The following C6 variants were observed in gnomAD, a reference collection of about 807,000 sequenced individuals.
C6 encodes the protein complement C6.
C6 carries 101 observed loss-of-function variants against 112.9 expected under a neutral mutation model. The ratio of observed to expected loss-of-function variants is 0.89; its 90% CI spans 0.76 to 1.06. The LOEUF (loss-of-function observed/expected upper bound fraction) is 1.06, where lower values mean the gene tolerates loss of function less well. C6 is among the 50% of genes least tolerant of loss of function. The pLI is 0.00. For missense variants in C6, 1,202 were observed against 1,104.6 expected (o/e 1.09, Z -1.25); for synonymous variants, 431 against 384.1 (o/e 1.12, Z -1.43).
rs573613102 is a variant in C6, at chr5:41,190,311, T to C, written c.588-4103A>G. ...TTTTTGATAATAGTCATTTCAACTG[T>C]AGTGAGATGATACCTCATTGTAGTT... On this transcript the variant is annotated intron_variant, in intron 5 of 17. Coordinates refer to ENST00000337836, the MANE Select transcript of C6 (RefSeq NM_000065.5). Among the ~76,000 whole-genome samples the C allele has an allele frequency of 2.4e-4, 36 of 152,322 alleles. No individual in the cohort carries two copies. In the South Asian group the frequency reaches 7.5e-3, roughly 32 times the overall value.
chr5:41,226,859 G>C (rs557156913), intron 1 of C6, among the ~76,000 whole-genome samples: 4 of 151,956 alleles, frequency 2.6e-5, no homozygotes, highest in Non-Finnish European at 4.4e-5. Flanking sequence ...TTCATCTGTC[G>C]ATGGACACTT....
chr5:41,255,760 G>A (rs1317489964), intron 1 of C6, among the ~76,000 whole-genome samples: 2 of 152,206 alleles, frequency 1.3e-5, no homozygotes, highest in Non-Finnish European at 2.9e-5. Flanking sequence ...TTAATTCCCA[G>A]AGAAGGGAAT....
At chr5:41,152,037 G>A (rs979607054) in intron 15 of C6, among the ~76,000 whole-genome samples, 1 of 151,834 alleles carries the variant, frequency 6.6e-6, no homozygotes, top group African/African-American at 2.4e-5. Context: ...AGGATGGAAG[G>A]AAGAAGGTGG....
chr5:41,226,962 GATGTATACTCAATAAAGAGA>G (rs901562224), intron 1 of C6, among the ~76,000 whole-genome samples: 1 of 151,932 alleles, frequency 6.6e-6, no homozygotes, highest in Admixed American at 6.6e-5. Flanking sequence ...ATTTCCTTTG[GATGTATACTCAATAAAGAGA>G]ATGCTGGATC....
intron 1 of C6, among the ~76,000 whole-genome samples, chr5:41,259,742 A>C (rs1482792804): frequency 1.3e-5 from 2 of 152,324 alleles, no homozygotes; most frequent in South Asian, 2.1e-4. Context: ...CTGAGGCTGC[A>C]CTTAAAAAGA....
Position 41,158,726 on chromosome 5 carries a change from T to G in C6, c.1916A>C (p.Glu639Ala). 1 of 1,611,832 alleles carries G rather than the reference T, an allele frequency of 6.2e-7. No homozygotes were observed. Among genetic ancestry groups the G allele is most frequent in the Non-Finnish European group, 8.5e-7 (1 of 1,178,098 alleles). Residue 639 changes from glutamate to alanine, a missense_variant, in exon 13 of 18, where the codon GAA becomes GCA. Transcript: ENST00000337836. ...EMKEVDLPEI[E>A]ADSGCPQPVP... ...TGGCTGAGGACACCCGGAATCTGCTTCTATCTCAGGAAGATCGACCTCTTT... is the reference window on the plus strand; with the variant it reads ...TGGCTGAGGACACCCGGAATCTGCTGCTATCTCAGGAAGATCGACCTCTTT...
At chr5:41,245,889 T>C (rs758504177) in intron 1 of C6, among the ~76,000 whole-genome samples, 81 of 152,326 alleles carry the variant, frequency 5.3e-4, no homozygotes, top group Non-Finnish European at 6.2e-4. Flanking sequence ...TGTTGACCTA[T>C]GATTTTCCTT....
intron 4 of C6, among the ~76,000 whole-genome samples, chr5:41,198,547 A>G (rs751254076): frequency 6.6e-6 from 1 of 152,234 alleles, no homozygotes; most frequent in African/African-American, 2.4e-5. Context: ...CTTAACAACC[A>G]TTACAGACAC....
chr5:41,202,735 C>A (rs970188161), intron 2 of C6, among the ~76,000 whole-genome samples: 1 of 152,080 alleles, frequency 6.6e-6, no homozygotes, highest in Admixed American at 6.5e-5. Context: ...CTGTTAGACT[C>A]GATTTAATGA....
At chr5:41,188,480 G>A (rs1749957251) in intron 5 of C6, among the ~76,000 whole-genome samples, 1 of 152,096 alleles carries the variant, frequency 6.6e-6, no homozygotes, top group Non-Finnish European at 1.5e-5. Context: ...TACATCTATG[G>A]TCAATTGATT....
chr5:41,176,396 A>T (rs1748846889), intron 8 of C6, 79 bp downstream of exon 8: 2 of 1,416,056 alleles, frequency 1.4e-6, no homozygotes, highest in Non-Finnish European at 2.0e-6. Context: ...AAGCAGAATA[A>T]TTAAAATGAT....
chr5:41,225,524 A>G (rs1334003600), intron 1 of C6, among the ~76,000 whole-genome samples: 2 of 152,166 alleles, frequency 1.3e-5, no homozygotes, highest in African/African-American at 4.8e-5. Context: ...GCCGCAATAA[A>G]CATACGAATG....
At position 41,206,299 on chromosome 5, in the gene C6, A is replaced by T. The variant is rs990140250; in HGVS notation, c.-20-3049T>A. Among the ~76,000 whole-genome samples the T allele has an allele frequency of 3.9e-5, 6 of 152,232 alleles. No individual in the cohort carries two copies. The South Asian group carries it at 1.0e-3, about 26-fold the overall frequency. On this transcript the variant is annotated intron_variant, in intron 1 of 17. Transcript: ENST00000337836. ...GAGCAGAAAAGCTGAAAATTCTAAAAATCAGAGCACCTCTTCTCCTCCAAA... is the reference window on the plus strand; with the variant it reads ...GAGCAGAAAAGCTGAAAATTCTAAATATCAGAGCACCTCTTCTCCTCCAAA...
At chr5:41,234,338 G>GTTTTTTTTTTTTTTTTTTTT (rs544459678) in intron 1 of C6, among the ~76,000 whole-genome samples, 1 of 127,770 alleles carries the variant, frequency 7.8e-6, no homozygotes, top group African/African-American at 2.9e-5. Flanking sequence ...CTACCCTTTC[G>GTTTTTTTTTTTTTTTTTTTT]TTTTTTTTTT....
At chr5:41,216,844 T>C (rs1043041248), upstream of C6, among the ~76,000 whole-genome samples, 6 of 152,102 alleles carry the variant, frequency 3.9e-5, no homozygotes, top group Non-Finnish European at 4.4e-5. Flanking sequence ...AGTTCACCTC[T>C]CAGTAGCACA....
At chr5:41,253,456 T>C (rs1488377614) in intron 1 of C6, among the ~76,000 whole-genome samples, 1 of 152,144 alleles carries the variant, frequency 6.6e-6, no homozygotes, top group Non-Finnish European at 1.5e-5. Context: ...ATCCTTACAG[T>C]CCCAAGTCTG....
Position 41,172,225 on chromosome 5 carries a change from C to CGG in C6, c.1290_1291insCC (p.Gly431ProfsTer14). Reference sequence around the variant, plus strand: ...AGCTGCTAAGAGAGAGTACTGTTACCTTCATGTTTCTCTGACAGCTTGTTG... The same window carrying CGG: ...AGCTGCTAAGAGAGAGTACTGTTACCGGTTCATGTTTCTCTGACAGCTTGTTG... On this transcript the variant is annotated frameshift_variant and splice_region_variant, in exon 9 of 18. Coordinates refer to ENST00000337836, the MANE Select transcript of C6 (RefSeq NM_000065.5). LOFTEE classifies it high-confidence loss of function. The CGG allele has an allele frequency of 1.2e-6, 2 of 1,612,678 alleles. No individual in the cohort carries two copies. Among genetic ancestry groups the CGG allele is most frequent in the Non-Finnish European group, 1.7e-6 (2 of 1,178,782 alleles).
intron 1 of C6, among the ~76,000 whole-genome samples, chr5:41,225,087 T>C (rs893022348): frequency 6.6e-6 from 1 of 152,226 alleles, no homozygotes; most frequent in Non-Finnish European, 1.5e-5. Context: ...AATTATACTT[T>C]AAGTTTTAGG....
At chr5:41,213,624 G>A (rs1222832778), upstream of C6, 18 of 864,106 alleles carry the variant, frequency 2.1e-5, no homozygotes, top group East Asian at 1.2e-4. Context: ...TGAAACTCTG[G>A]GTGTTGGATG....
Sources: allele counts gnomAD v4.1 joint callset (sites outside exome capture counted in the v4.1 genomes callset), GRCh38; gene constraint gnomAD v4.1.1; transcripts MANE v1.5; gene names NCBI Gene and HGNC (gene_info 2026-07-23, HGNC 2026-07-21).